The following SUSD1 variants were observed in gnomAD, a reference collection of about 807,000 sequenced individuals.
The protein encoded by SUSD1 is sushi domain containing 1.
In SUSD1, 65 loss-of-function variants were observed where a neutral mutation model predicts 86.9. The observed-to-expected ratio is 0.75, with a 90% CI of 0.61 to 0.92. The LOEUF is 0.92. SUSD1 is among the 40% of genes least tolerant of loss of function. The probability of loss-of-function intolerance (pLI) is 0.00; values close to 1 mark genes in which losing one functional copy is unlikely to be tolerated. For missense variants in SUSD1, 850 were observed against 929.7 expected, an observed-to-expected ratio of 0.91 and a Z score of 1.11; for synonymous variants, 346 against 350.0, an observed-to-expected ratio of 0.99 and a Z score of 0.13.
At chr9:112,152,155 A>G (rs1340550102) in intron 2 of SUSD1, among the ~76,000 whole-genome samples, 5 of 151,128 alleles carry the variant, frequency 3.3e-5, no homozygotes, top group Non-Finnish European at 7.4e-5. Context: ...GTGAGCCGAG[A>G]TCGCGCCATT....
At chr9:112,079,255 A>G (rs1050389572) in intron 11 of SUSD1, among the ~76,000 whole-genome samples, 1 of 152,130 alleles carries the variant, frequency 6.6e-6, no homozygotes, top group Non-Finnish European at 1.5e-5. Context: ...TATAATAAAT[A>G]TATTTTTAAA....
intron 2 of SUSD1, among the ~76,000 whole-genome samples, chr9:112,152,487 A>C (rs983231829): frequency 2.0e-5 from 3 of 150,892 alleles, no homozygotes; most frequent in African/African-American, 7.3e-5. Flanking sequence ...CTGCAACCTC[A>C]ACCTCCTAAG....
At chr9:112,161,152 T>C (rs1293234962) in intron 1 of SUSD1, among the ~76,000 whole-genome samples, 1 of 151,426 alleles carries the variant, frequency 6.6e-6, no homozygotes, top group Non-Finnish European at 1.5e-5. Context: ...CTGAGGCAGG[T>C]GGATCACTCG....
chr9:112,142,100 T>A (rs948849729), intron 5 of SUSD1, among the ~76,000 whole-genome samples: 3 of 151,672 alleles, frequency 2.0e-5, no homozygotes, highest in African/African-American at 7.3e-5. Context: ...AACATAACTA[T>A]TATAAAGAAA....
chr9:112,132,820 C>T (rs1205875878), intron 5 of SUSD1, among the ~76,000 whole-genome samples: 1 of 152,210 alleles, frequency 6.6e-6, no homozygotes, highest in African/African-American at 2.4e-5. Context: ...GACAAAGTTT[C>T]ATGTATCTTG....
intron 8 of SUSD1, among the ~76,000 whole-genome samples, chr9:112,107,311 TG>T (rs1830892933): frequency 7.1e-6 from 1 of 140,198 alleles, no homozygotes; most frequent in Admixed American, 7.1e-5. Context: ...AGGCCAGACG[TG>T]GTGGCTCACA....
intron 8 of SUSD1, among the ~76,000 whole-genome samples, chr9:112,102,607 T>A (rs889286427): frequency 6.6e-6 from 1 of 152,226 alleles, no homozygotes; most frequent in Non-Finnish European, 1.5e-5. Context: ...AGCTGTGATA[T>A]TTTTAGAAAG....
At chr9:112,058,341 A>G (rs1828543349) in intron 14 of SUSD1, 87 bp downstream of exon 14, 6 of 1,488,096 alleles carry the variant, frequency 4.0e-6, no homozygotes, top group Non-Finnish European at 5.4e-6. Context: ...TGACCCTCTC[A>G]TATACTTGGA....
At chr9:112,168,179 C>T (rs1050867644) in intron 1 of SUSD1, among the ~76,000 whole-genome samples, 23 of 152,258 alleles carry the variant, frequency 1.5e-4, no homozygotes, top group Admixed American at 6.5e-4. Context: ...AACCACTCAA[C>T]GACTCTTTGT....
At chr9:112,098,333 C>T (rs777942962) in intron 10 of SUSD1, 137 bp downstream of exon 10, 15 of 813,174 alleles carry the variant, frequency 1.8e-5, no homozygotes, top group African/African-American at 5.2e-5. Context: ...GAACCCCAGA[C>T]GCAGCTAACA....
At chr9:112,170,692 C>CATATATATATAT (rs3983405) in intron 1 of SUSD1, among the ~76,000 whole-genome samples, 1,841 of 119,680 alleles carry the variant, frequency 0.015, 28 homozygotes, top group African/African-American at 0.018. Flanking sequence ...ATGGCCAGAT[C>CATATATATATAT]ATATATATAT....
intron 5 of SUSD1, among the ~76,000 whole-genome samples, chr9:112,138,756 A>G (rs992619876): frequency 2.0e-5 from 3 of 152,122 alleles, no homozygotes; most frequent in Admixed American, 2.0e-4. Context: ...CCTGCAATAA[A>G]TATTCTTTTT....
chr9:112,061,497 C>T (rs2118986734), intron 13 of SUSD1, among the ~76,000 whole-genome samples: 3 of 152,316 alleles, frequency 2.0e-5, no homozygotes, highest in Middle Eastern at 6.8e-3. Context: ...CGGCATATAG[C>T]CACAAGGGTA....
intron 3 of SUSD1, among the ~76,000 whole-genome samples, chr9:112,148,732 C>T (rs146853312): frequency 1.3e-5 from 2 of 152,092 alleles, no homozygotes; most frequent in Non-Finnish European, 2.9e-5. Context: ...GGGGCAAAAC[C>T]GCATCTCTAC....
intron 12 of SUSD1, among the ~76,000 whole-genome samples, chr9:112,077,139 C>T (rs1195868460): frequency 2.6e-5 from 4 of 152,078 alleles, no homozygotes; most frequent in African/African-American, 9.7e-5. Flanking sequence ...GATGTTGCAA[C>T]ATGCTAGGCA....
In SUSD1 at chr9:112,161,090, T is replaced by C. The variant is rs139959561; in HGVS notation, c.104-3477A>G. Among the ~76,000 whole-genome samples, 93 of 152,202 alleles carry C rather than the reference T, an allele frequency of 6.1e-4. 1 individual carries two copies. The East Asian group carries it at 0.013, about 21-fold the overall frequency. On this transcript the variant is annotated intron_variant, in intron 1 of 16. Transcript: ENST00000374270. ...AGTACATTGTCAATTCATAATGACA[T>C]GCAGGGCCAGGCACGGTGGCTCATG... is the stretch of plus-strand genomic sequence containing the variant.
At chr9:112,050,415 G>A (rs1228381194) in intron 15 of SUSD1, among the ~76,000 whole-genome samples, 1 of 152,140 alleles carries the variant, frequency 6.6e-6, no homozygotes, top group Non-Finnish European at 1.5e-5. Flanking sequence ...ATAAGATCAG[G>A]AGAGAAGCAG....
intron 4 of SUSD1, among the ~76,000 whole-genome samples, chr9:112,142,866 T>C (rs1832638427): frequency 2.0e-5 from 3 of 151,378 alleles, no homozygotes. Flanking sequence ...TGCAGGGACC[T>C]TACCAAATCA....
At chr9:112,081,778 A>G (rs1829777293) in intron 10 of SUSD1, among the ~76,000 whole-genome samples, 1 of 152,258 alleles carries the variant, frequency 6.6e-6, no homozygotes, top group Non-Finnish European at 1.5e-5. Context: ...TAGTACATTC[A>G]AAGAACAATA....
Sources: gnomAD v4.1 joint callset for allele counts (sites outside exome capture counted in the v4.1 genomes callset) on GRCh38, gnomAD v4.1.1 for gene constraint, MANE v1.5 for transcripts, NCBI Gene and HGNC (gene_info 2026-07-23, HGNC 2026-07-21) for gene names.